The following PDE11A variants were observed in gnomAD, a reference collection of about 807,000 sequenced individuals.
The protein encoded by PDE11A is phosphodiesterase 11A.
PDE11A carries 100 observed loss-of-function variants against 100.5 expected under a neutral mutation model. The observed-to-expected ratio is 1.00, with a 90% CI of 0.85 to 1.18. PDE11A has a LOEUF of 1.18. PDE11A is among the 50% of genes most tolerant of loss of function. PDE11A has a pLI of 0.00. For missense variants in PDE11A, 1,141 were observed against 1,152.6 expected (o/e 0.99, Z 0.15); for synonymous variants, 381 against 420.8 (o/e 0.91, Z 1.16).
chr2:177,868,036 C>A lies in PDE11A; in HGVS notation c.1367+7823G>T, dbSNP rs150120462. Among the ~76,000 whole-genome samples, 1,101 of 152,202 alleles carry A rather than the reference C, an allele frequency of 7.2e-3. 13 individuals are homozygous for A. The highest frequency in any genetic ancestry group is 0.025 in the African/African-American group (1,025 of 41,522). On this transcript the variant is annotated intron_variant, in intron 5 of 19. Transcript: ENST00000286063. Reference sequence around the variant, plus strand: ...GATTTGGGCCATGGTGGCTGGAAATCTAAAGGAAGAGTCACAGAGAAGTCA... The same window carrying A: ...GATTTGGGCCATGGTGGCTGGAAATATAAAGGAAGAGTCACAGAGAAGTCA...
chr2:178,099,298 T>C (rs780376133), intron 2 of PDE11A, among the ~76,000 whole-genome samples: 17 of 151,582 alleles, frequency 1.1e-4, no homozygotes, highest in Non-Finnish European at 2.9e-5. Flanking sequence ...ATTAGCCGCA[T>C]GTGGTGGCAC....
At chr2:177,649,859 AT>A (rs772202480) in intron 19 of PDE11A, among the ~76,000 whole-genome samples, 4 of 152,224 alleles carry the variant, frequency 2.6e-5, no homozygotes, top group Non-Finnish European at 5.9e-5. Flanking sequence ...CTATTTAGCA[AT>A]AAAAAATTTA....
chr2:178,102,428 GTT>G (rs769341186), intron 2 of PDE11A, among the ~76,000 whole-genome samples: 682 of 55,350 alleles, frequency 0.012, 5 homozygotes, highest in African/African-American at 0.046. Flanking sequence ...CCTGGTCTAA[GTT>G]TTTTTTTTTT....
chr2:177,965,761 G>C (rs570554088), intron 2 of PDE11A, among the ~76,000 whole-genome samples: 4 of 152,214 alleles, frequency 2.6e-5, no homozygotes, highest in African/African-American at 9.6e-5. Context: ...TGGTTATGCA[G>C]CCTTGTCATA....
chr2:177,654,750 C>A (rs1176526784), intron 19 of PDE11A, among the ~76,000 whole-genome samples: 1 of 152,110 alleles, frequency 6.6e-6, no homozygotes, highest in South Asian at 2.1e-4. Context: ...TGTATATTTT[C>A]TTTACTGTTC....
intron 2 of PDE11A, among the ~76,000 whole-genome samples, chr2:177,948,233 G>T (rs928642215): frequency 6.6e-5 from 10 of 151,836 alleles, no homozygotes; most frequent in African/African-American, 1.9e-4. Flanking sequence ...CCAATTTTTT[G>T]ATTTCATAAA....
intron 10 of PDE11A, among the ~76,000 whole-genome samples, chr2:177,767,297 T>G (rs1384646598): frequency 2.0e-4 from 30 of 152,016 alleles, no homozygotes; most frequent in Non-Finnish European, 1.5e-5. Context: ...GCCACTGCAT[T>G]CCAGCCTGGG....
intron 9 of PDE11A, among the ~76,000 whole-genome samples, chr2:177,796,324 T>A (rs896682043): frequency 2.6e-5 from 4 of 152,098 alleles, no homozygotes; most frequent in Admixed American, 2.0e-4. Flanking sequence ...TCCAGGTACC[T>A]GGGATCAGCC....
chr2:177,883,456 G>A (rs936217552), intron 4 of PDE11A, among the ~76,000 whole-genome samples: 1 of 152,004 alleles, frequency 6.6e-6, no homozygotes, highest in African/African-American at 2.4e-5. Context: ...TCCTATCCTT[G>A]AGAAACTCAC....
chr2:178,032,297 T>A (rs191411612), intron 1 of PDE11A, among the ~76,000 whole-genome samples: 2 of 152,136 alleles, frequency 1.3e-5, no homozygotes, highest in Non-Finnish European at 2.9e-5. Context: ...CAAATTTCTA[T>A]AAGATCAATA....
chr2:177,885,090 A>G (rs1443946884), intron 4 of PDE11A, among the ~76,000 whole-genome samples: 1 of 152,152 alleles, frequency 6.6e-6, no homozygotes, highest in Non-Finnish European at 1.5e-5. Context: ...ACATATGTTT[A>G]TTTAACATAT....
At chr2:178,014,547 T>C in intron 1 of PDE11A, 87 bp from the exon 2 acceptor site, 1 of 1,001,786 alleles carries the variant, frequency 1.0e-6, no homozygotes, top group Non-Finnish European at 1.5e-6. Context: ...ATATGATACC[T>C]TATCACTGGG....
intron 2 of PDE11A, among the ~76,000 whole-genome samples, chr2:177,922,431 T>TATA (rs562921795): frequency 4.4e-4 from 67 of 151,938 alleles, no homozygotes; most frequent in Admixed American, 3.5e-3. Context: ...AAACTTAAAG[T>TATA]ATAATAATAA....
chr2:178,010,759 C>T (rs1574339724), intron 2 of PDE11A, among the ~76,000 whole-genome samples: 1 of 152,030 alleles, frequency 6.6e-6, no homozygotes, highest in African/African-American at 2.4e-5. Context: ...AGAATATATT[C>T]GTATGTGGAC....
At chr2:177,683,588 G>A (rs1281676416) in intron 15 of PDE11A, 3 of 152,268 alleles carry the variant, frequency 2.0e-5, no homozygotes, top group Non-Finnish European at 4.4e-5. Flanking sequence ...CTGTTCCTGT[G>A]TGGGAACCTG....
At chr2:177,874,963 C>A (rs565138919) in intron 5 of PDE11A, among the ~76,000 whole-genome samples, 2 of 152,240 alleles carry the variant, frequency 1.3e-5, no homozygotes, top group South Asian at 4.1e-4. Context: ...GTGGTTCGCA[C>A]CTGTAATGCT....
chr2:178,097,478 CAA>C (rs1348148134), intron 2 of PDE11A, among the ~76,000 whole-genome samples: 1 of 152,092 alleles, frequency 6.6e-6, no homozygotes, highest in Non-Finnish European at 1.5e-5. Context: ...CGTGAGAACT[CAA>C]AGACTGTAAC....
At chr2:177,730,155 C>T (rs142237758) in intron 10 of PDE11A, among the ~76,000 whole-genome samples, 7 of 152,226 alleles carry the variant, frequency 4.6e-5, no homozygotes, top group Admixed American at 4.6e-4. Flanking sequence ...TATACATGTG[C>T]CACGTTGGTG....
At chr2:177,655,036 T>G (rs968717753) in intron 19 of PDE11A, among the ~76,000 whole-genome samples, 1 of 152,184 alleles carries the variant, frequency 6.6e-6, no homozygotes, top group African/African-American at 2.4e-5. Flanking sequence ...GCAGAAATCC[T>G]TTAAAAAAGA....
Sources: gnomAD v4.1 joint callset for allele counts (sites outside exome capture counted in the v4.1 genomes callset) on GRCh38, gnomAD v4.1.1 for gene constraint, MANE v1.5 for transcripts, NCBI Gene and HGNC (gene_info 2026-07-23, HGNC 2026-07-21) for gene names.